RCOR1: variants seen among roughly 807,000 people sequenced by gnomAD.
RCOR1 encodes the protein REST corepressor.
Under a neutral mutation model 64.0 loss-of-function variants are expected in RCOR1, and 12 were observed. That is an observed-to-expected ratio of 0.19 (90% CI 0.12 to 0.30). RCOR1 has a LOEUF of 0.30. Among genes scored for constraint, RCOR1 ranks in the 10% least tolerant of loss-of-function variants. The pLI is 1.00. For missense variants in RCOR1, 502 were observed against 621.2 expected, an observed-to-expected ratio of 0.81 and a Z score of 2.04; for synonymous variants, 279 against 227.2, an observed-to-expected ratio of 1.23 and a Z score of -2.05.
chr14:102,678,467 T>G (rs560535478), intron 2 of RCOR1, among the ~76,000 whole-genome samples: 1 of 152,128 alleles, frequency 6.6e-6, no homozygotes, highest in South Asian at 2.1e-4. Context: ...ACCTGGCTAA[T>G]TTTTGTATTT....
At chr14:102,676,623 A>G (rs1168743589) in intron 2 of RCOR1, among the ~76,000 whole-genome samples, 9 of 71,538 alleles carry the variant, frequency 1.3e-4, no homozygotes, top group African/African-American at 3.7e-4. Context: ...GCGGCTGGCC[A>G]GGTGGGGGGC....
intron 3 of RCOR1, among the ~76,000 whole-genome samples, chr14:102,683,693 T>A (rs1407383958): frequency 4.6e-5 from 7 of 152,228 alleles, no homozygotes; most frequent in Admixed American, 2.6e-4. Context: ...TGGCCCCCGC[T>A]GACCTGGAGA....
At chr14:102,621,367 C>CTTTTTTT (rs35481023) in intron 2 of RCOR1, among the ~76,000 whole-genome samples, 25 of 78,514 alleles carry the variant, frequency 3.2e-4, no homozygotes, top group African/African-American at 1.2e-3. Context: ...CAGTCTTTGT[C>CTTTTTTT]TTTTTTTTTT....
intron 2 of RCOR1, among the ~76,000 whole-genome samples, chr14:102,598,665 G>A (rs180752941): frequency 7.9e-5 from 12 of 151,598 alleles, no homozygotes; most frequent in African/African-American, 2.9e-4. Context: ...AGCCAGGATG[G>A]TCTCAATCTC....
intron 8 of RCOR1, among the ~76,000 whole-genome samples, chr14:102,717,307 AG>A (rs1297629792): frequency 1.3e-5 from 2 of 152,206 alleles, no homozygotes; most frequent in African/African-American, 4.8e-5. Flanking sequence ...TTCCCTTGGA[AG>A]GTCAAACAGT....
intron 3 of RCOR1, among the ~76,000 whole-genome samples, chr14:102,699,432 T>C (rs555245484): frequency 1.6e-4 from 24 of 152,330 alleles, no homozygotes; most frequent in African/African-American, 5.3e-4. Flanking sequence ...GGAATATTTT[T>C]CCCCAATTTT....
chr14:102,667,926 A>G (rs1400349902), intron 2 of RCOR1, among the ~76,000 whole-genome samples: 1 of 152,142 alleles, frequency 6.6e-6, no homozygotes, highest in Non-Finnish European at 1.5e-5. Context: ...ATGCTTTTTG[A>G]GTTGTTCTTG....
chr14:102,595,966 G>A (rs1281059011), intron 2 of RCOR1, among the ~76,000 whole-genome samples: 1 of 152,064 alleles, frequency 6.6e-6, no homozygotes, highest in Non-Finnish European at 1.5e-5. Flanking sequence ...GCCAACCTAA[G>A]CAGGGGGACA....
chr14:102,619,765 G>A (rs1052867711), intron 2 of RCOR1, among the ~76,000 whole-genome samples: 2 of 152,154 alleles, frequency 1.3e-5, no homozygotes, highest in Admixed American at 1.3e-4. Flanking sequence ...ACATGCGTGA[G>A]CCACTGTGCC....
At chr14:102,711,234 T>C (rs1425914743) in intron 7 of RCOR1, among the ~76,000 whole-genome samples, 2 of 152,254 alleles carry the variant, frequency 1.3e-5, no homozygotes, top group African/African-American at 4.8e-5. Flanking sequence ...AAAATAGCAC[T>C]AATGAGTAAT....
At chr14:102,659,387 A>G (rs79731315) in intron 2 of RCOR1, 4,278 of 426,522 alleles carry the variant, frequency 0.01, 150 homozygotes, top group African/African-American at 0.078. Context: ...GGTGGGTAAC[A>G]ATATTAACAA....
chr14:102,640,869 A>T (rs1894354351), intron 2 of RCOR1, among the ~76,000 whole-genome samples: 1 of 152,156 alleles, frequency 6.6e-6, no homozygotes, highest in African/African-American at 2.4e-5. Flanking sequence ...CTGAAGTGGG[A>T]GGATCACTTG....
chr14:102,614,299 A>G (rs1893702360), intron 2 of RCOR1, among the ~76,000 whole-genome samples: 1 of 141,112 alleles, frequency 7.1e-6, no homozygotes, highest in East Asian at 2.1e-4. Flanking sequence ...ATCTCGGCTC[A>G]CTGCAAGCTC....
intron 2 of RCOR1, among the ~76,000 whole-genome samples, chr14:102,670,782 A>G (rs1314573614): frequency 3.3e-5 from 5 of 150,382 alleles, no homozygotes; most frequent in African/African-American, 1.2e-4. Context: ...TTATTTATTG[A>G]TTGATTTTGA....
In RCOR1 at chr14:102,730,243, A is replaced by G; in HGVS notation, c.*3737A>G. ...TAAAAAATTTTCAAGATTTTAAAAG[A>G]TGTATAAGGTTAAGTTTGCAAATAT... On this transcript the variant is annotated 3_prime_UTR_variant, in exon 12 of 12. Transcript: ENST00000262241. 1 of 382,290 alleles carries G rather than the reference A, an allele frequency of 2.6e-6. No homozygotes were observed. The highest frequency in any genetic ancestry group is 3.7e-5 in the East Asian group (1 of 26,748). 23.7% of individuals were successfully genotyped at this position (382,290 alleles called of 1,614,324 possible).
At chr14:102,653,058 G>A (rs1371597874) in intron 2 of RCOR1, among the ~76,000 whole-genome samples, 1 of 151,962 alleles carries the variant, frequency 6.6e-6, no homozygotes. Context: ...TCAGCCTCCC[G>A]AGTAGCTGGA....
At chr14:102,632,736 T>A (rs1595203848) in intron 2 of RCOR1, among the ~76,000 whole-genome samples, 1 of 3,464 alleles carries the variant, frequency 2.9e-4, no homozygotes, top group African/African-American at 6.1e-4. Flanking sequence ...TCTTCTCCCC[T>A]CCCCTCCCCT....
intron 2 of RCOR1, among the ~76,000 whole-genome samples, chr14:102,636,311 CTT>C (rs1894235826): frequency 2.0e-5 from 3 of 151,004 alleles, no homozygotes; most frequent in East Asian, 2.0e-4. Flanking sequence ...GAGTTTTGCT[CTT>C]GTCGCCCAGG....
chr14:102,687,337 A>G (rs1438094194), intron 3 of RCOR1, among the ~76,000 whole-genome samples: 2 of 152,232 alleles, frequency 1.3e-5, no homozygotes, highest in Non-Finnish European at 2.9e-5. Flanking sequence ...GCCAAGTTTT[A>G]GCTAGATCTC....
Sources: gnomAD v4.1 joint callset for allele counts (sites outside exome capture counted in the v4.1 genomes callset) on GRCh38, gnomAD v4.1.1 for gene constraint, MANE v1.5 for transcripts, NCBI Gene and HGNC (gene_info 2026-07-23, HGNC 2026-07-21) for gene names.